Variants in KLHDC4 observed in about 807,000 individuals in gnomAD.
The protein encoded by KLHDC4 is kelch domain containing 4, also known as kelch domain-containing protein 4.
KLHDC4 carries 90 observed loss-of-function variants against 62.4 expected under a neutral mutation model. The observed-to-expected ratio is 1.44, with a 90% CI of 1.22 to 1.72. The LOEUF (loss-of-function observed/expected upper bound fraction) is 1.72, where lower values mean the gene tolerates loss of function less well. Ranked by LOEUF, KLHDC4 falls within the 40% of genes most tolerant of loss-of-function variation. The pLI, the probability that KLHDC4 is intolerant of heterozygous loss-of-function variation, is 0.00. For synonymous variants in KLHDC4, 386 were observed against 284.4 expected (o/e 1.36, Z -3.59); for missense variants, 1,025 against 699.7 (o/e 1.47, Z -5.25).
chr16:87,701,115 G>C (rs2034124281), exon 1 of KLHDC4: 1 of 179,380 alleles, frequency 5.6e-6, no homozygotes, highest in African/African-American at 2.4e-5. Context: ...CCCCTGCCTT[G>C]AAAATGAACT....
At chr16:87,762,219 T>G (rs2045992695) in intron 1 of KLHDC4, 179 bp from the exon 2 acceptor site, 3 of 1,341,950 alleles carry the variant, frequency 2.2e-6, no homozygotes, top group Non-Finnish European at 2.9e-6. Context: ...AACCAGAGCT[T>G]GACCTCAAAG....
chr16:87,705,505 A>G (rs2034559120), downstream of KLHDC4, among the ~76,000 whole-genome samples: 1 of 152,270 alleles, frequency 6.6e-6, no homozygotes, highest in Non-Finnish European at 1.5e-5. Flanking sequence ...CAACAAAAGC[A>G]AAATGCTTTC....
At chr16:87,699,722 G>A (rs1217962966) in exon 1 of KLHDC4, 6 of 152,282 alleles carry the variant, frequency 3.9e-5, no homozygotes. Flanking sequence ...ACTGTAGAAA[G>A]ACGGGCCCTC....
intron 5 of KLHDC4, among the ~76,000 whole-genome samples, chr16:87,734,805 C>A (rs1445103985): frequency 6.6e-6 from 1 of 152,160 alleles, no homozygotes; most frequent in East Asian, 1.9e-4. Context: ...CAGCTCCATC[C>A]CCTCCGGGCT....
Position 87,755,309 on chromosome 16 carries a change from G to C in KLHDC4, c.271-17C>G, listed in dbSNP as rs201304771. The C allele has an allele frequency of 7.5e-6, 10 of 1,335,242 alleles. No homozygotes were observed. The highest frequency in any genetic ancestry group is 9.7e-6 in the Non-Finnish European group (9 of 927,750). 82.7% of individuals were successfully genotyped at this position (1,335,242 alleles called of 1,614,324 possible). ...CAAAAAAGTCTACAGGAAGGAAGAA[G>C]AATGTCAGTGTCACAAATGATACGC... is the stretch of plus-strand genomic sequence containing the variant. On this transcript the variant is annotated splice_polypyrimidine_tract_variant and intron_variant, in intron 3 of 11. Transcript: ENST00000270583.
intron 4 of KLHDC4, chr16:87,750,317 G>A (rs747731531): frequency 6.6e-6 from 1 of 152,306 alleles, no homozygotes; most frequent in Admixed American, 6.5e-5. Flanking sequence ...ACGCTGGAGG[G>A]GCCCCTCAGT....
chr16:87,765,892 T>C lies in KLHDC4; in HGVS notation c.-2A>G, dbSNP rs1425998025. The C allele has an allele frequency of 2.2e-5, 34 of 1,551,008 alleles. No homozygotes were observed. Among genetic ancestry groups the C allele is most frequent in the Non-Finnish European group, 2.7e-5 (31 of 1,146,822 alleles). On this transcript the variant is annotated 5_prime_UTR_variant, in exon 1 of 12. Coordinates refer to ENST00000270583, the MANE Select transcript of KLHDC4 (RefSeq NM_017566.4). ...CTCCTTCTTGCCCTTCTTGCCCATC[T>C]TGCCGGGTCCCAAGCCGCGACGGGA...
At chr16:87,716,832 T>G (rs1016208745) in intron 7 of KLHDC4, among the ~76,000 whole-genome samples, 2 of 152,096 alleles carry the variant, frequency 1.3e-5, no homozygotes. Context: ...CTGGGGAGGC[T>G]GAGGCAGGAG....
chr16:87,698,686 G>A (rs563230296), exon 1 of KLHDC4: 2 of 152,392 alleles, frequency 1.3e-5, no homozygotes, highest in Admixed American at 1.3e-4. Flanking sequence ...AATGCCCCGG[G>A]TCTGAGAGAA....
intron 7 of KLHDC4, among the ~76,000 whole-genome samples, chr16:87,716,294 T>C (rs1056663053): frequency 2.6e-5 from 4 of 151,296 alleles, no homozygotes; most frequent in African/African-American, 4.9e-5. Flanking sequence ...CTTGTAGATA[T>C]TGACGTAGAC....
At chr16:87,759,575 C>A (rs372811979) in intron 2 of KLHDC4, among the ~76,000 whole-genome samples, 1 of 152,104 alleles carries the variant, frequency 6.6e-6, no homozygotes, top group East Asian at 1.9e-4. Context: ...GGAGAAACTC[C>A]GTCTCTACTA....
At chr16:87,749,114 AAACATT>A (rs1326368778) in intron 4 of KLHDC4, among the ~76,000 whole-genome samples, 1 of 151,754 alleles carries the variant, frequency 6.6e-6, no homozygotes, top group Admixed American at 6.6e-5. Context: ...TAGTTACTTC[AAACATT>A]AACAACGGTG....
At chr16:87,753,897 C>T (rs959294848) in intron 4 of KLHDC4, among the ~76,000 whole-genome samples, 3 of 149,932 alleles carry the variant, frequency 2.0e-5, no homozygotes, top group South Asian at 2.1e-4. Context: ...CGCTTGAACC[C>T]GGCAGGCGGA....
chr16:87,744,727 T>C (rs1352655388), intron 5 of KLHDC4, among the ~76,000 whole-genome samples: 1 of 152,090 alleles, frequency 6.6e-6, no homozygotes, highest in Non-Finnish European at 1.5e-5. Context: ...TAAAATAGCA[T>C]AAAAAATGAT....
At chr16:87,763,828 G>C (rs951133869) in intron 1 of KLHDC4, among the ~76,000 whole-genome samples, 42 of 152,214 alleles carry the variant, frequency 2.8e-4, no homozygotes, top group Admixed American at 6.5e-5. Flanking sequence ...GGTGACGCCA[G>C]TGGCCTAGCC....
chr16:87,712,487 C>T lies in KLHDC4; in HGVS notation c.836-1044G>A, dbSNP rs114689079. On this transcript the variant is annotated intron_variant, in intron 8 of 11. Coordinates refer to ENST00000270583, the MANE Select transcript of KLHDC4 (RefSeq NM_017566.4). ...AGAAACCCACACACACAAGGTGTGT[C>T]GCTCCTCACCACGATGCTTTCCTCC... Among the ~76,000 whole-genome samples the T allele has an allele frequency of 7.7e-4, 118 of 152,342 alleles. 1 individual carries two copies. The highest frequency in any genetic ancestry group is 2.6e-3 in the African/African-American group (108 of 41,582).
intron 8 of KLHDC4, among the ~76,000 whole-genome samples, chr16:87,711,815 C>G (rs1215062010): frequency 6.6e-6 from 1 of 151,394 alleles, no homozygotes; most frequent in Non-Finnish European, 1.5e-5. Flanking sequence ...GCACGGGGAC[C>G]CTTCGCCCAG....
chr16:87,703,348 C>G (rs903430968), downstream of KLHDC4: 2 of 151,806 alleles, frequency 1.3e-5, no homozygotes, highest in Non-Finnish European at 3.0e-5. Flanking sequence ...AGCCCTGAGT[C>G]TCCGCAGTGG....
chr16:87,708,280 T>A (rs1025656442), intron 11 of KLHDC4, 70 bp downstream of exon 11: 1 of 1,045,188 alleles, frequency 9.6e-7, no homozygotes, highest in Non-Finnish European at 1.4e-6. Flanking sequence ...CCAATAAGCA[T>A]CCGATAAACA....
Sources: allele counts gnomAD v4.1 joint callset (sites outside exome capture counted in the v4.1 genomes callset), GRCh38; gene constraint gnomAD v4.1.1; transcripts MANE v1.5; gene names NCBI Gene and HGNC (gene_info 2026-07-23, HGNC 2026-07-21).